Variants in KCNK10 observed in about 807,000 individuals in gnomAD.
KCNK10 encodes potassium channel subfamily K member 10.
In KCNK10, 25 loss-of-function variants were observed where a neutral mutation model predicts 47.7. The ratio of observed to expected loss-of-function variants is 0.52; its 90% CI spans 0.38 to 0.73. KCNK10 has a LOEUF of 0.73. Among genes scored for constraint, KCNK10 ranks in the 30% least tolerant of loss-of-function variants. The pLI is 0.00. For synonymous variants in KCNK10, 303 were observed against 285.6 expected, an observed-to-expected ratio of 1.06 and a Z score of -0.61; for missense variants, 563 against 714.5, an observed-to-expected ratio of 0.79 and a Z score of 2.42.
At chr14:88,292,780 A>G (rs1887909269) in intron 1 of KCNK10, among the ~76,000 whole-genome samples, 1 of 151,996 alleles carries the variant, frequency 6.6e-6, no homozygotes, top group Non-Finnish European at 1.5e-5. Flanking sequence ...CTACAGGCAC[A>G]CACCACCACG....
chr14:88,308,502 A>G (rs7148961), intron 1 of KCNK10, among the ~76,000 whole-genome samples: 32,470 of 152,228 alleles, frequency 0.21, 3,615 homozygotes, highest in East Asian at 0.29. Context: ...AGACATGTAA[A>G]TTTAGACACT....
intron 1 of KCNK10, among the ~76,000 whole-genome samples, chr14:88,294,960 TTA>T (rs1326670083): frequency 6.6e-6 from 1 of 152,230 alleles, no homozygotes; most frequent in African/African-American, 2.4e-5. Flanking sequence ...AATGTATTTC[TTA>T]TATGTGTTTG....
At chr14:88,200,584 G>T (rs1885071840) in intron 4 of KCNK10, among the ~76,000 whole-genome samples, 1 of 152,198 alleles carries the variant, frequency 6.6e-6, no homozygotes. Flanking sequence ...AAGTCATGCA[G>T]AAATAAACCC....
chr14:88,241,817 A>G (rs758086767), intron 2 of KCNK10, among the ~76,000 whole-genome samples: 8 of 152,220 alleles, frequency 5.3e-5, no homozygotes, highest in Non-Finnish European at 1.0e-4. Context: ...ATACTTCGGC[A>G]ACAATTAAAG....
At chr14:88,212,109 A>AATATATATATATATACAT (rs1885476898) in intron 4 of KCNK10, among the ~76,000 whole-genome samples, 1 of 133,334 alleles carries the variant, frequency 7.5e-6, no homozygotes, top group Admixed American at 7.3e-5. Context: ...TGATAGTGAG[A>AATATATATATATATACAT]ATATATATAT....
rs544409008 is a variant in KCNK10, at chr14:88,192,135, G to A, written c.868+89C>T. On this transcript the variant is annotated intron_variant, in intron 5 of 6. Coordinates refer to ENST00000319231, the MANE Select transcript of KCNK10 (RefSeq NM_138317.3). Reference sequence around the variant, plus strand: ...TGAGTCATCTTCATTTGCTTCTCCCGCAACATCTTTTATCGATTGCGAAAA... The same window carrying A: ...TGAGTCATCTTCATTTGCTTCTCCCACAACATCTTTTATCGATTGCGAAAA... 241 of 1,269,508 alleles carry A rather than the reference G, an allele frequency of 1.9e-4. 1 individual carries two copies. In the East Asian group the frequency reaches 2.5e-3, roughly 13 times the overall value. 78.6% of individuals were successfully genotyped at this position (1,269,508 alleles called of 1,614,324 possible). A position where few individuals can be genotyped will look rare whatever the true frequency, so the allele number is the denominator to read the frequency against.
At position 88,181,620 on chromosome 14, in the gene KCNK10, T is replaced by C. The variant is rs1317710698; in HGVS notation, c.*3915A>G. The C allele has an allele frequency of 6.6e-6, 1 of 152,086 alleles. No homozygotes were observed. The highest frequency in any genetic ancestry group is 1.5e-5 in the Non-Finnish European group (1 of 67,990). 9.4% of individuals were successfully genotyped at this position (152,086 alleles called of 1,614,324 possible). ...TACACTAAAGAGCTATAAGGGAGGA[T>C]AGAGAGAGCCTACACAGGGCATGAT... On this transcript the variant is annotated 3_prime_UTR_variant, in exon 7 of 7. Transcript: ENST00000319231.
At position 88,190,457 on chromosome 14, in the gene KCNK10, A is replaced by G. The variant is rs189501216; in HGVS notation, c.868+1767T>C. Reference sequence around the variant, plus strand: ...AAGGGATTAACTGGAATACATCTATAACTGTTCCTCTTACTTTTCTCAGTT... The same window carrying G: ...AAGGGATTAACTGGAATACATCTATGACTGTTCCTCTTACTTTTCTCAGTT... On this transcript the variant is annotated intron_variant, in intron 5 of 6. Coordinates refer to ENST00000319231, the MANE Select transcript of KCNK10 (RefSeq NM_138317.3). Among the ~76,000 whole-genome samples, 17 of 152,318 alleles carry G rather than the reference A, an allele frequency of 1.1e-4. No individual in the cohort carries two copies. The East Asian group carries it at 3.1e-3, about 28-fold the overall frequency.
At chr14:88,244,217 A>T (rs1886559695) in intron 2 of KCNK10, among the ~76,000 whole-genome samples, 1 of 152,202 alleles carries the variant, frequency 6.6e-6, no homozygotes, top group South Asian at 2.1e-4. Context: ...GTTATAACTG[A>T]CGTTACCATT....
intron 1 of KCNK10, among the ~76,000 whole-genome samples, chr14:88,283,598 A>G (rs1360086344): frequency 2.0e-5 from 3 of 152,256 alleles, no homozygotes; most frequent in Admixed American, 2.0e-4. Flanking sequence ...TCAAACTTTA[A>G]GCAGAAAATG....
At chr14:88,191,715 T>G (rs1056583175) in intron 5 of KCNK10, among the ~76,000 whole-genome samples, 10 of 152,210 alleles carry the variant, frequency 6.6e-5, no homozygotes, top group African/African-American at 2.4e-4. Context: ...CTCTGGGCAG[T>G]TCTCAGCTCC....
intron 1 of KCNK10, among the ~76,000 whole-genome samples, chr14:88,309,254 T>C (rs901910533): frequency 6.6e-6 from 1 of 152,348 alleles, no homozygotes; most frequent in South Asian, 2.1e-4. Flanking sequence ...CAGACTCTAG[T>C]AGAGCCTACT....
intron 4 of KCNK10, 91 bp downstream of exon 4, chr14:88,227,284 G>C: frequency 9.6e-7 from 1 of 1,043,322 alleles, no homozygotes; most frequent in Non-Finnish European, 1.4e-6. Flanking sequence ...ATTAAAAGCA[G>C]ACAATGCCCC....
intron 4 of KCNK10, among the ~76,000 whole-genome samples, chr14:88,218,452 C>T (rs1170511935): frequency 1.3e-5 from 2 of 151,700 alleles, no homozygotes; most frequent in African/African-American, 2.4e-5. Flanking sequence ...TTTTGGCACT[C>T]GTAAGTCTAG....
chr14:88,231,435 C>G (rs1304669987), intron 3 of KCNK10, among the ~76,000 whole-genome samples: 1 of 152,210 alleles, frequency 6.6e-6, no homozygotes, highest in Non-Finnish European at 1.5e-5. Context: ...CAGAGGCTCT[C>G]TCTCTGATGT....
At chr14:88,236,042 G>A (rs372464954) in intron 3 of KCNK10, among the ~76,000 whole-genome samples, 35 of 152,312 alleles carry the variant, frequency 2.3e-4, no homozygotes, top group African/African-American at 6.0e-4. Flanking sequence ...AAAGCCAGGC[G>A]TGGTGGCTCA....
intron 4 of KCNK10, among the ~76,000 whole-genome samples, chr14:88,210,847 GA>G (rs1450218428): frequency 1.4e-5 from 2 of 138,954 alleles, no homozygotes; most frequent in South Asian, 2.2e-4. Context: ...AAAAAAAACA[GA>G]AAAAAGCAAG....
upstream of KCNK10, among the ~76,000 whole-genome samples, chr14:88,324,415 T>C (rs981190316): frequency 6.6e-6 from 1 of 152,196 alleles, no homozygotes; most frequent in African/African-American, 2.4e-5. Context: ...GCTCAAGAAA[T>C]ACTTGCTAAA....
intron 4 of KCNK10, among the ~76,000 whole-genome samples, chr14:88,203,715 C>A (rs1271760887): frequency 6.6e-6 from 1 of 152,188 alleles, no homozygotes; most frequent in Non-Finnish European, 1.5e-5. Context: ...GACAGTAGCA[C>A]TCCCCCTTCT....
Sources: allele counts gnomAD v4.1 joint callset (sites outside exome capture counted in the v4.1 genomes callset), GRCh38; gene constraint gnomAD v4.1.1; transcripts MANE v1.5; gene names NCBI Gene and HGNC (gene_info 2026-07-23, HGNC 2026-07-21).